The following NKAIN1 variants were observed in gnomAD, a reference collection of about 807,000 sequenced individuals.
NKAIN1 encodes the protein sodium/potassium transporting ATPase interacting 1.
NKAIN1 carries 13 observed loss-of-function variants against 31.6 expected under a neutral mutation model. The observed-to-expected ratio is 0.41, with a 90% CI of 0.27 to 0.65. The LOEUF (loss-of-function observed/expected upper bound fraction) is 0.65. Among genes scored for constraint, NKAIN1 ranks in the 30% least tolerant of loss-of-function variants. The pLI, the probability that NKAIN1 is intolerant of heterozygous loss-of-function variation, is 0.30. For missense variants in NKAIN1, 193 were observed against 262.2 expected (o/e 0.74, Z 1.82); for synonymous variants, 104 against 109.0 (o/e 0.95, Z 0.28).
rs1645666920 is a variant in NKAIN1 at position 31,233,098 on chromosome 1, A to C, written c.54+6396T>G. ...CGAGTAGCTGAAATTACAGGTGCCC[A>C]CCACCACGCTCGGCTAATTTTTTGT... On this transcript the variant is annotated intron_variant, in intron 1 of 6. Transcript: ENST00000373736. This position sits in a 1 kb window ranked among gnomAD's most constrained non-coding sequence, Gnocchi z 4.0. 6.6e-6 allele frequency among the ~76,000 whole-genome samples: 1 copy of C among 152,100 alleles called. No homozygotes were observed. The highest frequency in any genetic ancestry group is 2.4e-5 in the African/African-American group (1 of 41,404).
intron 1 of NKAIN1, chr1:31,188,400 T>C (rs911527995): frequency 1.8e-6 from 1 of 549,594 alleles, no homozygotes; most frequent in African/African-American, 1.9e-5. Context: ...GGAGTGAGGG[T>C]TCAGAACACC....
intron 1 of NKAIN1, among the ~76,000 whole-genome samples, chr1:31,225,325 C>A (rs1569578570): frequency 1.9e-5 from 1 of 52,154 alleles, no homozygotes; most frequent in Non-Finnish European, 3.5e-5. Flanking sequence ...CATGCCCGGC[C>A]TTTTTTTTTT....
chr1:31,211,137 G>A (rs966210980), intron 1 of NKAIN1, among the ~76,000 whole-genome samples: 1 of 152,198 alleles, frequency 6.6e-6, no homozygotes, highest in African/African-American at 2.4e-5. Flanking sequence ...ATTCAACACT[G>A]TGCTGGAGGT....
intron 1 of NKAIN1, among the ~76,000 whole-genome samples, chr1:31,192,769 C>T (rs1218920002): frequency 6.6e-6 from 1 of 152,068 alleles, no homozygotes; most frequent in Non-Finnish European, 1.5e-5. Context: ...CCAGCCTAGT[C>T]TCATACCCTC....
intron 1 of NKAIN1, among the ~76,000 whole-genome samples, chr1:31,225,952 C>T (rs567004553): frequency 1.3e-5 from 2 of 152,336 alleles, no homozygotes; most frequent in Non-Finnish European, 2.9e-5. Flanking sequence ...GCCTGCTCTG[C>T]CACTTACCTC....
intron 4 of NKAIN1, among the ~76,000 whole-genome samples, chr1:31,183,362 G>C (rs1445533458): frequency 2.0e-5 from 3 of 151,412 alleles, no homozygotes; most frequent in African/African-American, 7.3e-5. Context: ...GCAGCGGTGA[G>C]GGAAGACGGT....
At chr1:31,186,584 G>A (rs1190673762) in intron 2 of NKAIN1, among the ~76,000 whole-genome samples, 2 of 151,950 alleles carry the variant, frequency 1.3e-5, no homozygotes, top group Admixed American at 6.6e-5. Context: ...AGGGCAGGTG[G>A]AGGCAGGATC....
chr1:31,184,138 A>AT, intron 3 of NKAIN1, 124 bp from the exon 4 acceptor site: 1 of 773,834 alleles, frequency 1.3e-6, no homozygotes, highest in Non-Finnish European at 2.0e-6. Context: ...GCAAGTCCAT[A>AT]TTTGACCAAC....
At chr1:31,212,593 C>T (rs1310502273) in intron 1 of NKAIN1, among the ~76,000 whole-genome samples, 1 of 152,078 alleles carries the variant, frequency 6.6e-6, no homozygotes, top group African/African-American at 2.4e-5. Flanking sequence ...TTGATAGAGA[C>T]AGGGTGTCAC....
At chr1:31,218,785 TGTGATTCCCAGG>T (rs768813797) in intron 1 of NKAIN1, among the ~76,000 whole-genome samples, 1 of 152,190 alleles carries the variant, frequency 6.6e-6, no homozygotes, top group Non-Finnish European at 1.5e-5. Context: ...ACAACCACAG[TGTGATTCCCAGG>T]CTGGGCCCCA....
chr1:31,222,460 T>C (rs1338352704), intron 1 of NKAIN1, among the ~76,000 whole-genome samples: 2 of 152,234 alleles, frequency 1.3e-5, no homozygotes, highest in Admixed American at 6.5e-5. Flanking sequence ...CCAGAGACTG[T>C]CATCTGCCAG....
Position 31,233,971 on chromosome 1 carries a change from A to C in NKAIN1, c.54+5523T>G, listed in dbSNP as rs1645676303. Among the ~76,000 whole-genome samples, 1 of 152,236 alleles carries C rather than the reference A, an allele frequency of 6.6e-6. No individual in the cohort carries two copies. The highest frequency in any genetic ancestry group is 1.5e-5 in the Non-Finnish European group (1 of 68,036). On this transcript the variant is annotated intron_variant, in intron 1 of 6. Transcript: ENST00000373736. The surrounding 1 kb of genome is among the most constrained non-coding windows in gnomAD (Gnocchi z 4.0). ...TAGCCCCTGTGCCAGATCTCAGCGA[A>C]GCTGCCATTTATGGGCTGCTTATTT...
chr1:31,229,598 T>C (rs1256105287), intron 1 of NKAIN1, among the ~76,000 whole-genome samples: 2 of 151,900 alleles, frequency 1.3e-5, no homozygotes, highest in African/African-American at 2.4e-5. Context: ...CAGGCTGGAG[T>C]GCAATGGCGT....
rs144900369 is a variant in NKAIN1, at chr1:31,193,159, T to C, written c.55-4972A>G. ...TCTCGGCTCACTGCAAGCTCTGTCT[T>C]CCAGGTTCACACCATTCTCCTGCCT... On this transcript the variant is annotated intron_variant, in intron 1 of 6. Transcript: ENST00000373736. Among the ~76,000 whole-genome samples, 598 of 151,200 alleles carry C rather than the reference T, an allele frequency of 4.0e-3. 34 individuals carry two copies. The East Asian group carries it at 0.097, about 25-fold the overall frequency.
At chr1:31,213,239 C>T (rs1448262324) in intron 1 of NKAIN1, among the ~76,000 whole-genome samples, 1 of 151,554 alleles carries the variant, frequency 6.6e-6, no homozygotes, top group Non-Finnish European at 1.5e-5. Context: ...TTGCAATTCA[C>T]CAGTAAATAG....
intron 2 of NKAIN1, among the ~76,000 whole-genome samples, chr1:31,186,720 T>C (rs1645247224): frequency 6.6e-6 from 1 of 152,194 alleles, no homozygotes; most frequent in Non-Finnish European, 1.5e-5. Context: ...TTCCTTGCTC[T>C]ATAAATTGTA....
At chr1:31,198,850 G>A (rs566602628) in intron 1 of NKAIN1, among the ~76,000 whole-genome samples, 4 of 152,160 alleles carry the variant, frequency 2.6e-5, no homozygotes, top group Non-Finnish European at 5.9e-5. Context: ...CTGTCTAGAC[G>A]CCAACCCCAG....
chr1:31,234,164 C>T (rs1039747692), intron 1 of NKAIN1, among the ~76,000 whole-genome samples: 3 of 152,180 alleles, frequency 2.0e-5, no homozygotes, highest in Admixed American at 6.5e-5. Context: ...ATCATCCCTG[C>T]CAACTCTGTC....
chr1:31,189,038 A>C (rs79681792), intron 1 of NKAIN1, among the ~76,000 whole-genome samples: 1 of 150,942 alleles, frequency 6.6e-6, no homozygotes, highest in Non-Finnish European at 1.5e-5. Context: ...AAAAAAAAAA[A>C]CGGCGTTCAT....
Sources: allele counts gnomAD v4.1 joint callset (sites outside exome capture counted in the v4.1 genomes callset), GRCh38; gene constraint gnomAD v4.1.1; non-coding constraint Gnocchi (gnomAD v3.1); transcripts MANE v1.5; gene names NCBI Gene and HGNC (gene_info 2026-07-23, HGNC 2026-07-21).